PCDHGB1: variants seen among roughly 807,000 people sequenced by gnomAD.
The protein encoded by PCDHGB1 is protocadherin gamma-B1.
A neutral mutation model predicts 56.6 loss-of-function variants in PCDHGB1; 34 were observed. The ratio of observed to expected loss-of-function variants is 0.60; its 90% CI spans 0.46 to 0.80. The LOEUF (loss-of-function observed/expected upper bound fraction) is 0.80. Among genes scored for constraint, PCDHGB1 ranks in the 30% least tolerant of loss-of-function variants. PCDHGB1 has a pLI of 0.00. For synonymous variants in PCDHGB1, 561 were observed against 505.9 expected (o/e 1.11, Z -1.46); for missense variants, 1,278 against 1,204.6 (o/e 1.06, Z -0.90).
chr5:141,423,630 T>C, intron 1 of PCDHGB1: 1 of 1,603,994 alleles, frequency 6.2e-7, no homozygotes, highest in Non-Finnish European at 8.5e-7. Flanking sequence ...CAGCTATCAT[T>C]TTAGGCAAAT....
chr5:141,364,827 C>G (rs1444045845), intron 1 of PCDHGB1: 1 of 1,613,996 alleles, frequency 6.2e-7, no homozygotes, highest in Non-Finnish European at 8.5e-7. Context: ...GGTGTGAACT[C>G]TCTCCGGAGT....
chr5:141,434,132 G>A (rs2097674012), intron 1 of PCDHGB1, among the ~76,000 whole-genome samples: 1 of 152,194 alleles, frequency 6.6e-6, no homozygotes, highest in South Asian at 2.1e-4. Context: ...CCTTTAGGCT[G>A]ATTTCTATGT....
chr5:141,358,749 T>C (rs1761008205), intron 1 of PCDHGB1, among the ~76,000 whole-genome samples: 1 of 152,256 alleles, frequency 6.6e-6, no homozygotes. Context: ...TCTTTTCTCT[T>C]GTCATCATGT....
At chr5:141,422,546 GGC>G in intron 1 of PCDHGB1, 8 of 1,613,972 alleles carry the variant, frequency 5.0e-6, no homozygotes, top group Non-Finnish European at 6.8e-6. Flanking sequence ...ACTCATGTCT[GGC>G]TGAATGTGGC....
chr5:141,491,794 TCCGG>T lies in PCDHGB1; in HGVS notation c.2410-3007_2410-3004del. The T allele has an allele frequency of 6.6e-7, 1 of 1,511,056 alleles. No homozygotes were observed. The highest frequency in any genetic ancestry group is 8.8e-7 in the Non-Finnish European group (1 of 1,130,146). 93.6% of individuals were successfully genotyped at this position (1,511,056 alleles called of 1,614,324 possible). A position where few individuals can be genotyped will look rare whatever the true frequency, so the allele number is the denominator to read the frequency against. Reference sequence around the variant, plus strand: ...GGGATTGAACTTGCATCCACTCCTCTCCGGCCGGCTTGGTCGCTGGCTGCGCTCC... The same window carrying T: ...GGGATTGAACTTGCATCCACTCCTCTCCGGCTTGGTCGCTGGCTGCGCTCC... On this transcript the variant is annotated intron_variant, in intron 1 of 3. Transcript: ENST00000523390. The surrounding 1 kb of genome is among the most constrained non-coding windows in gnomAD (Gnocchi z 6.9).
rs746408347 is a variant in PCDHGB1 at position 141,486,293 on chromosome 5, G to A, written c.2410-8514G>A. ...TGGCACTGTGGTGGCACTTATCAGT[G>A]TGCAGGATCCAGACTCAGGGTCAAA... On this transcript the variant is annotated intron_variant, in intron 1 of 3. Transcript: ENST00000523390. This position sits in a 1 kb window ranked among gnomAD's most constrained non-coding sequence, Gnocchi z 5.0. The A allele has an allele frequency of 3.1e-6, 5 of 1,614,018 alleles. No homozygotes were observed. In the Admixed American group the frequency reaches 8.3e-5, roughly 27 times the overall value.
chr5:141,423,750 T>TGGG lies in PCDHGB1; in HGVS notation c.2410-71049_2410-71047dup, dbSNP rs144521096. 4.7e-3 allele frequency: 1,348 copies of TGGG among 288,070 alleles called. 1 individual carries two copies. The highest frequency in any genetic ancestry group is 5.4e-3 in the Non-Finnish European group (1,192 of 221,408). 17.8% of individuals were successfully genotyped at this position (288,070 alleles called of 1,614,324 possible). A position where few individuals can be genotyped will look rare whatever the true frequency, so the allele number is the denominator to read the frequency against. ...TTTTGAGCCTGTTATGAAAACTGTT[T>TGGG]GGGGGGGGGGTGGGGCGGCATATAT... is the stretch of plus-strand genomic sequence containing the variant. On this transcript the variant is annotated intron_variant, in intron 1 of 3. Coordinates refer to ENST00000523390, the MANE Select transcript of PCDHGB1 (RefSeq NM_018922.3).
At chr5:141,458,172 T>C (rs1023447659) in intron 1 of PCDHGB1, among the ~76,000 whole-genome samples, 2 of 152,216 alleles carry the variant, frequency 1.3e-5, no homozygotes, top group African/African-American at 4.8e-5. Flanking sequence ...CACAGTAGTA[T>C]ACCTTACTTG....
In PCDHGB1 at chr5:141,490,296, G is replaced by T; in HGVS notation, c.2410-4511G>T. The stretch of plus-strand genomic sequence containing the variant: ...ATGACAATGCCCCAGAGGTGCTATT[G>T]GCCTCTTTGGCCAACCCTGTCCTAG... On this transcript the variant is annotated intron_variant, in intron 1 of 3. Coordinates refer to ENST00000523390, the MANE Select transcript of PCDHGB1 (RefSeq NM_018922.3). This position sits in a 1 kb window ranked among gnomAD's most constrained non-coding sequence, Gnocchi z 5.4. 6.2e-7 allele frequency: 1 copy of T among 1,614,184 alleles called. No homozygotes were observed. Among genetic ancestry groups the T allele is most frequent in the South Asian group, 1.1e-5 (1 of 91,084 alleles).
chr5:141,415,783 A>G, intron 1 of PCDHGB1: 1 of 1,344,604 alleles, frequency 7.4e-7, no homozygotes, highest in Non-Finnish European at 9.5e-7. Context: ...ACTTTCTGGT[A>G]AAATTCACCT....
intron 1 of PCDHGB1, chr5:141,402,866 T>A (rs1339290452): frequency 4.2e-6 from 6 of 1,442,196 alleles, no homozygotes; most frequent in Non-Finnish European, 5.5e-6. Context: ...AAGGAAAAGA[T>A]CACCATACTT....
chr5:141,366,780 C>G (rs1764797585), intron 1 of PCDHGB1: 1 of 1,584,650 alleles, frequency 6.3e-7, no homozygotes, highest in African/African-American at 1.4e-5. Flanking sequence ...TAAGGATGAC[C>G]AGAACATTTT....
chr5:141,366,164 A>G (rs1316186931), intron 1 of PCDHGB1: 1 of 1,614,076 alleles, frequency 6.2e-7, no homozygotes, highest in Middle Eastern at 1.6e-4. Context: ...GCTTAAGGCC[A>G]GCGAGCCAGG....
chr5:141,418,948 A>G (rs767664022), intron 1 of PCDHGB1: 1 of 1,614,042 alleles, frequency 6.2e-7, no homozygotes, highest in Non-Finnish European at 8.5e-7. Context: ...CCCCTCCAGG[A>G]GTGGTTGTTG....
chr5:141,376,321 T>A (rs764863792), intron 1 of PCDHGB1: 5 of 1,614,176 alleles, frequency 3.1e-6, no homozygotes, highest in African/African-American at 1.3e-5. Flanking sequence ...TGGAAGGGGT[T>A]CGGGCTTTCC....
In PCDHGB1 at chr5:141,432,867, T is replaced by C; in HGVS notation, c.2410-61940T>C. ...GTAGCGGTGGCCGCGGTCTCCTGCG[T>C]CTTCCTGGCCTTCGTCATCTTGCTG... On this transcript the variant is annotated intron_variant, in intron 1 of 3. Coordinates refer to ENST00000523390, the MANE Select transcript of PCDHGB1 (RefSeq NM_018922.3). The surrounding 1 kb of genome is among the most constrained non-coding windows in gnomAD (Gnocchi z 6.0). 2 of 1,614,182 alleles carry C rather than the reference T, an allele frequency of 1.2e-6. No individual in the cohort carries two copies. The highest frequency in any genetic ancestry group is 1.7e-6 in the Non-Finnish European group (2 of 1,180,010).
At chr5:141,375,640 C>G (rs1375647493) in intron 1 of PCDHGB1, 1 of 1,614,226 alleles carries the variant, frequency 6.2e-7, no homozygotes, top group Non-Finnish European at 8.5e-7. Context: ...CCCTGCGCTC[C>G]TTCGACTATG....
intron 1 of PCDHGB1, chr5:141,478,197 T>G (rs2099437910): frequency 6.2e-7 from 1 of 1,613,956 alleles, no homozygotes; most frequent in Admixed American, 1.7e-5. Context: ...ACCTTTTATC[T>G]ACTTCTTTCT....
intron 1 of PCDHGB1, chr5:141,421,422 C>T (rs908483513): frequency 6.2e-7 from 1 of 1,614,086 alleles, no homozygotes; most frequent in Non-Finnish European, 8.5e-7. Flanking sequence ...AGCGCGGAGT[C>T]CGCATCGTCT....
Sources: gnomAD v4.1 joint callset for allele counts (sites outside exome capture counted in the v4.1 genomes callset) on GRCh38, gnomAD v4.1.1 for gene constraint, Gnocchi (gnomAD v3.1) non-coding constraint, MANE v1.5 for transcripts, NCBI Gene and HGNC (gene_info 2026-07-23, HGNC 2026-07-21) for gene names.